Variants in IL1A observed in about 807,000 individuals in gnomAD.
IL1A encodes interleukin 1 alpha.
IL1A carries 16 observed loss-of-function variants against 22.2 expected under a neutral mutation model. The ratio of observed to expected loss-of-function variants is 0.72; its 90% confidence interval spans 0.49 to 1.09. The LOEUF is 1.09. Among genes scored for constraint, IL1A ranks in the 50% least tolerant of loss-of-function variants. The probability of loss-of-function intolerance (pLI) is 0.00; values close to 1 mark genes in which losing one functional copy is unlikely to be tolerated. For missense variants in IL1A, 317 were observed against 321.8 expected (o/e 0.99, Z 0.11); for synonymous variants, 113 against 118.5 (o/e 0.95, Z 0.30).
rs926438913 is a variant in IL1A at position 112,775,264 on chromosome 2, T to C, written c.619A>G (p.Met207Val). The change falls in exon 7 of 7, where the codon ATG becomes GTG. Residue 207 changes from methionine to valine, a missense_variant. Met to Val is a conservative substitution (Grantham distance 21, BLOSUM62 1). Transcript: ENST00000263339. ...GTGATGGTTTTGGGTATCTCAGGCA[T>C]CTCCTATGAAGAAAAGAAGAGAATT... ...DEDQPVLLKE[M>V]PEIPKTITGS... 9 of 1,611,802 alleles carry C rather than the reference T, an allele frequency of 5.6e-6. No homozygotes were observed. In the African/African-American group the frequency reaches 1.2e-4, roughly 22 times the overall value.
At chr2:112,776,254 G>A (rs1422450672) in intron 6 of IL1A, among the ~76,000 whole-genome samples, 1 of 152,134 alleles carries the variant, frequency 6.6e-6, no homozygotes, top group East Asian at 1.9e-4. Flanking sequence ...CCATTAATGG[G>A]TTTTCATTGT....
At position 112,782,616 on chromosome 2, in the gene IL1A, A is replaced by G. The variant is rs529826900; in HGVS notation, c.96+100T>C. The stretch of plus-strand genomic sequence containing the variant: ...GTCTCTGGACCTCTAGTGAGGGTAA[A>G]ACAAAAGTATTGAAGATTCAAGTCA... On this transcript the variant is annotated intron_variant, in intron 3 of 6. Coordinates refer to ENST00000263339, the MANE Select transcript of IL1A (RefSeq NM_000575.5). The G allele has an allele frequency of 4.1e-5, 36 of 887,608 alleles. No homozygotes were observed. In the South Asian group the frequency reaches 4.7e-4, roughly 12 times the overall value. 55.0% of individuals were successfully genotyped at this position (887,608 alleles called of 1,614,324 possible).
At chr2:112,782,057 T>G (rs1156663782) in intron 3 of IL1A, among the ~76,000 whole-genome samples, 1 of 152,174 alleles carries the variant, frequency 6.6e-6, no homozygotes, top group Non-Finnish European at 1.5e-5. Context: ...ATTTGCATGC[T>G]CAAAAATGAG....
At chr2:112,783,658 C>G (rs1446103170) in intron 2 of IL1A, 66 bp downstream of exon 2, 1 of 1,384,336 alleles carries the variant, frequency 7.2e-7, no homozygotes, top group African/African-American at 1.4e-5. Context: ...CACTGTTATG[C>G]CTAGCTGGAT....
chr2:112,779,528 G>A lies in IL1A; in HGVS notation c.458C>T (p.Thr153Met), dbSNP rs376874217. The part of the protein sequence containing the change: ...SIIRANDQYL[T>M]AAALHNLDEA... ...ATCCAGATTATGTAATGCAGCAGCC[G>A]TGAGGTACTGATCATTGGCTCGAAT... The change falls in exon 5 of 7, where the codon ACG (threonine) becomes ATG (methionine). Residue 153 changes from threonine to methionine, a missense_variant. By Grantham distance (81) the Thr-to-Met change is moderately conservative. Transcript: ENST00000263339. 4.4e-5 allele frequency: 71 copies of A among 1,606,006 alleles called. No individual in the cohort carries two copies. In the Middle Eastern group the frequency reaches 2.2e-3, roughly 49 times the overall value.
At chr2:112,776,378 T>C (rs1681101202) in intron 6 of IL1A, among the ~76,000 whole-genome samples, 1 of 152,182 alleles carries the variant, frequency 6.6e-6, no homozygotes, top group Non-Finnish European at 1.5e-5. Context: ...GGAGCTGTCC[T>C]TTACCATCTT....
chr2:112,776,157 A>G (rs985073355), intron 6 of IL1A, among the ~76,000 whole-genome samples: 1 of 151,788 alleles, frequency 6.6e-6, no homozygotes, highest in Non-Finnish European at 1.5e-5. Flanking sequence ...TCCTCATTGG[A>G]CTTTCTGCTT....
intron 5 of IL1A, among the ~76,000 whole-genome samples, chr2:112,778,948 G>T (rs369936569): frequency 1.3e-5 from 2 of 152,114 alleles, no homozygotes; most frequent in South Asian, 2.1e-4. Flanking sequence ...AAACATGTCC[G>T]CCATGAAAAT....
Position 112,778,059 on chromosome 2 carries a change from G to A in IL1A, c.543C>T (p.Thr181=). 1.2e-6 allele frequency: 2 copies of A among 1,613,692 alleles called. No homozygotes were observed. Among genetic ancestry groups the A allele is most frequent in the Middle Eastern group, 1.7e-4 (1 of 6,060 alleles). The change falls in exon 6 of 7, where the codon ACC becomes ACT. Residue 181 remains threonine (T), a synonymous_variant. Transcript: ENST00000263339. The stretch of plus-strand genomic sequence containing the variant: ...GAGTTTTTGAGATTCTTAGAATCAC[G>A]GTAATTTTAGCATCATCCTTTGATG... ...YKSSKDDAKI[T]VILRISKTQL...
intron 5 of IL1A, 39 bp from the exon 6 acceptor site, chr2:112,778,150 G>A (rs1283942023): frequency 6.3e-7 from 1 of 1,577,342 alleles, no homozygotes; most frequent in South Asian, 1.1e-5. Context: ...TAAATTCATT[G>A]TATTTGTATA....
chr2:112,777,865 TG>T, intron 6 of IL1A, 121 bp downstream of exon 6: 2 of 976,410 alleles, frequency 2.0e-6, no homozygotes, highest in Non-Finnish European at 1.5e-6. Context: ...GGTGGGCAGG[TG>T]GGGGCTGTGG....
At chr2:112,781,482 C>T in intron 4 of IL1A, 122 bp downstream of exon 4, 1 of 799,172 alleles carries the variant, frequency 1.3e-6, no homozygotes, top group Non-Finnish European at 2.2e-6. Flanking sequence ...TGTATAGTTA[C>T]CAGACTAATG....
At chr2:112,779,921 T>A (rs1469626922) in intron 4 of IL1A, among the ~76,000 whole-genome samples, 1 of 152,236 alleles carries the variant, frequency 6.6e-6, no homozygotes, top group Non-Finnish European at 1.5e-5. Flanking sequence ...AGACTATTTG[T>A]GCAACTTTTT....
chr2:112,778,472 A>G lies in IL1A; in HGVS notation c.491-361T>C, dbSNP rs535645204. 5.3e-5 allele frequency among the ~76,000 whole-genome samples: 8 copies of G among 152,326 alleles called. No homozygotes were observed. The East Asian group carries it at 1.5e-3, about 29-fold the overall frequency. ...GATCATAAGTTCATAATGACCTAAC[A>G]TGGAGGGGTTTAGGAAGCTGATACA... On this transcript the variant is annotated intron_variant, in intron 5 of 6. Coordinates refer to ENST00000263339, the MANE Select transcript of IL1A (RefSeq NM_000575.5).
chr2:112,782,643 T>G, intron 3 of IL1A, 73 bp downstream of exon 3: 1 of 1,086,840 alleles, frequency 9.2e-7, no homozygotes, highest in Non-Finnish European at 1.4e-6. Context: ...TTCAAGTCAT[T>G]GCTGTTCTCT....
In IL1A at chr2:112,778,123, A is replaced by C. The variant is rs1318691662; in HGVS notation, c.491-12T>G. 1.2e-6 allele frequency: 2 copies of C among 1,608,954 alleles called. No homozygotes were observed. The highest frequency in any genetic ancestry group is 4.5e-5 in the East Asian group (2 of 44,858). On this transcript the variant is annotated splice_polypyrimidine_tract_variant and intron_variant, in intron 5 of 6. Transcript: ENST00000263339. Reference sequence around the variant, plus strand: ...CATGTCAAATTTCACTGGTGAAGAGAAGAACCAAAAAGAAAGTAAATTCAT... The same window carrying C: ...CATGTCAAATTTCACTGGTGAAGAGCAGAACCAAAAAGAAAGTAAATTCAT...
chr2:112,779,520 C>A lies in IL1A; in HGVS notation c.466G>T (p.Ala156Ser). ...RANDQYLTAAALHNLDEAVKF... is the reference protein window; with the variant it reads ...RANDQYLTAASLHNLDEAVKF... ...CCTGCTTCATCCAGATTATGTAATG[C>A]AGCAGCCGTGAGGTACTGATCATTG... Residue 156 changes from alanine to serine, a missense_variant, in exon 5 of 7, where the codon GCA becomes TCA. Coordinates refer to ENST00000263339, the MANE Select transcript of IL1A (RefSeq NM_000575.5). 6.3e-7 allele frequency: 1 copy of A among 1,596,264 alleles called. No homozygotes were observed. Among genetic ancestry groups the A allele is most frequent in the Non-Finnish European group, 8.6e-7 (1 of 1,166,078 alleles).
intron 4 of IL1A, 99 bp from the exon 5 acceptor site, chr2:112,779,765 T>G: frequency 1.3e-6 from 1 of 756,914 alleles, no homozygotes; most frequent in Non-Finnish European, 2.0e-6. Flanking sequence ...GGAGGGGATA[T>G]TAGGAATATT....
At chr2:112,783,630 G>A in intron 2 of IL1A, 94 bp downstream of exon 2, 1 of 1,021,502 alleles carries the variant, frequency 9.8e-7, no homozygotes, top group East Asian at 2.4e-5. Flanking sequence ...ACCTCTGCCG[G>A]CCTGCCCCCA....
Sources: allele counts gnomAD v4.1 joint callset (sites outside exome capture counted in the v4.1 genomes callset), GRCh38; gene constraint gnomAD v4.1.1; transcripts MANE v1.5; gene names NCBI Gene and HGNC (gene_info 2026-07-23, HGNC 2026-07-21).